The following FANCA variants were observed in gnomAD, a reference collection of about 807,000 sequenced individuals.
The protein encoded by FANCA is Fanconi anemia group A protein.
In FANCA, 236 loss-of-function variants were observed where a neutral mutation model predicts 194.3. That is an observed-to-expected ratio of 1.21 (90% CI 1.09 to 1.35). The LOEUF (loss-of-function observed/expected upper bound fraction) is 1.35, where lower values mean the gene tolerates loss of function less well. Ranked by LOEUF, FANCA falls within the 40% of genes most tolerant of loss-of-function variation. The probability of loss-of-function intolerance (pLI) is 0.00; values close to 1 mark genes in which losing one functional copy is unlikely to be tolerated. For missense variants in FANCA, 2,628 were observed against 1,813.9 expected, an observed-to-expected ratio of 1.45 and a Z score of -8.15; for synonymous variants, 1,014 against 715.8, an observed-to-expected ratio of 1.42 and a Z score of -6.65.
In FANCA at chr16:89,767,133, G is replaced by A. The variant is rs775561931; in HGVS notation, c.2601+8C>T. Reference sequence around the variant, plus strand: ...CAGAATGGAAAAATAGGAAAAGAGTGAACCTACCTTTTTAATAAGGCCTGG... The same window carrying A: ...CAGAATGGAAAAATAGGAAAAGAGTAAACCTACCTTTTTAATAAGGCCTGG... On this transcript the variant is annotated splice_region_variant and intron_variant, in intron 27 of 42. Transcript: ENST00000389301. 3 of 1,600,110 alleles carry A rather than the reference G, an allele frequency of 1.9e-6. No individual in the cohort carries two copies. Among genetic ancestry groups the A allele is most frequent in the African/African-American group, 1.3e-5 (1 of 74,720 alleles).
In FANCA at chr16:89,737,863, T is replaced by G; in HGVS notation, c.*738A>C. On this transcript the variant is annotated 3_prime_UTR_variant, in exon 43 of 43. Coordinates refer to ENST00000389301, the MANE Select transcript of FANCA (RefSeq NM_000135.4). ...CAAACCTTCAAGCAGCGGAAGCACC[T>G]TCTCGTCCACCAAATGCGACATTCG... The G allele has an allele frequency of 1.9e-6, 3 of 1,614,168 alleles. No individual in the cohort carries two copies. The highest frequency in any genetic ancestry group is 2.5e-6 in the Non-Finnish European group (3 of 1,180,028).
intron 33 of FANCA, among the ~76,000 whole-genome samples, chr16:89,747,885 C>A (rs1377420668): frequency 6.6e-6 from 1 of 152,024 alleles, no homozygotes; most frequent in Admixed American, 6.6e-5. Context: ...CCAACTGGGT[C>A]CCTACGCTGC....
intron 29 of FANCA, among the ~76,000 whole-genome samples, chr16:89,758,987 C>A (rs2038853922): frequency 6.6e-6 from 1 of 152,056 alleles, no homozygotes; most frequent in Non-Finnish European, 1.5e-5. Context: ...CTGCTGGCCA[C>A]ACAGCACATG....
rs111576529 is a variant in FANCA, at chr16:89,800,913, G to C, written c.793-1275C>G. ...CTAGGTGCGGTGGCGGGTGTCTATA[G>C]TCCCAGCTACTCGGGAGACTGAGGC... is the stretch of plus-strand genomic sequence containing the variant. On this transcript the variant is annotated intron_variant, in intron 8 of 42. Transcript: ENST00000389301. 7.3e-3 allele frequency among the ~76,000 whole-genome samples: 1,108 copies of C among 151,836 alleles called. 10 individuals carry two copies. Among genetic ancestry groups the C allele is most frequent in the African/African-American group, 0.026 (1,059 of 41,374 alleles).
chr16:89,806,879 G>C (rs564456337), intron 6 of FANCA, among the ~76,000 whole-genome samples: 1 of 152,262 alleles, frequency 6.6e-6, no homozygotes, highest in East Asian at 1.9e-4. Flanking sequence ...CCTCCCAGAC[G>C]GGGTGGTGGC....
rs1240982092 is a variant in FANCA at position 89,810,910 on chromosome 16, A to T, written c.426+19T>A. The T allele has an allele frequency of 6.2e-7, 1 of 1,614,160 alleles. No homozygotes were observed. Among genetic ancestry groups the T allele is most frequent in the Admixed American group, 1.7e-5 (1 of 60,014 alleles). On this transcript the variant is annotated intron_variant, in intron 4 of 42. Transcript: ENST00000389301. ...AAAGTAACAACGGGCAGGTTTCCTC[A>T]TCTTTGCTGGTGTCTTACTCTCTGC...
At chr16:89,815,451 G>A (rs2041072207) in intron 2 of FANCA, among the ~76,000 whole-genome samples, 1 of 145,480 alleles carries the variant, frequency 6.9e-6, no homozygotes, top group Admixed American at 7.1e-5. Flanking sequence ...CCGGGTCCAG[G>A]TTCAAGCAAT....
intron 30 of FANCA, among the ~76,000 whole-genome samples, chr16:89,752,840 G>A (rs1223112803): frequency 1.3e-5 from 2 of 152,182 alleles, no homozygotes; most frequent in Non-Finnish European, 2.9e-5. Flanking sequence ...GTAGCAAAAG[G>A]TGTCAAGGAA....
chr16:89,744,931 C>A, intron 36 of FANCA, 28 bp downstream of exon 36: 1 of 1,598,020 alleles, frequency 6.3e-7, no homozygotes. Flanking sequence ...TCTGGGCGGG[C>A]ACACCCCATC....
At position 89,739,538 on chromosome 16, in the gene FANCA, C is replaced by G. The variant is rs376523966; in HGVS notation, c.3950G>C (p.Arg1317Pro). 1.3e-6 allele frequency: 2 copies of G among 1,551,298 alleles called. No homozygotes were observed. Among genetic ancestry groups the G allele is most frequent in the Non-Finnish European group, 1.7e-6 (2 of 1,147,032 alleles). ...QLTESDLRLG[R>P]LLLRVAPDQH... ...ATCCGGGGCCACACGGAGGAGGAGC[C>G]GCCCCAGCCTGAGGTCTGCAACACC... The change falls in exon 40 of 43, where the codon CGG becomes CCG. Residue 1317 changes from arginine (R) to proline (P), a missense_variant. Coordinates refer to ENST00000389301, the MANE Select transcript of FANCA (RefSeq NM_000135.4).
intron 5 of FANCA, among the ~76,000 whole-genome samples, chr16:89,810,070 C>G (rs868403831): frequency 1.3e-5 from 2 of 151,668 alleles, no homozygotes; most frequent in African/African-American, 2.4e-5. Flanking sequence ...CACTTGTAAT[C>G]CCAGCACTTT....
chr16:89,798,282 C>A, intron 10 of FANCA: 1 of 949,656 alleles, frequency 1.1e-6, no homozygotes, highest in Non-Finnish European at 1.3e-6. Context: ...TGTGAGAACA[C>A]ATCTGCCGTC....
chr16:89,758,726 A>G, intron 29 of FANCA, 21 bp from the exon 30 acceptor site: 4 of 1,612,578 alleles, frequency 2.5e-6, no homozygotes, highest in South Asian at 2.2e-5. Context: ...AAACACTGCT[A>G]TCAATTCTGA....
Position 89,771,670 on chromosome 16 carries a change from A to T in FANCA, c.2151+8T>A. On this transcript the variant is annotated splice_region_variant and intron_variant, in intron 23 of 42. Coordinates refer to ENST00000389301, the MANE Select transcript of FANCA (RefSeq NM_000135.4). ...ACCCCCTGCTTTGTTCTGAGCCCCT[A>T]CACCTACCATGTGTTCCCGTGGCTC... The T allele has an allele frequency of 6.2e-7, 1 of 1,613,650 alleles. No individual in the cohort carries two copies. Among genetic ancestry groups the T allele is most frequent in the Non-Finnish European group, 8.5e-7 (1 of 1,179,888 alleles).
intron 36 of FANCA, among the ~76,000 whole-genome samples, chr16:89,744,373 C>G (rs952485703): frequency 6.6e-6 from 1 of 152,206 alleles, no homozygotes; most frequent in African/African-American, 2.4e-5. Flanking sequence ...GGTGGAGTGG[C>G]TGTCAGCTCT....
At chr16:89,745,930 C>T (rs1318840889) in intron 35 of FANCA, among the ~76,000 whole-genome samples, 1 of 152,236 alleles carries the variant, frequency 6.6e-6, no homozygotes, top group East Asian at 1.9e-4. Flanking sequence ...AACTGAGCTA[C>T]AACTCGGTGC....
intron 33 of FANCA, among the ~76,000 whole-genome samples, chr16:89,747,594 G>C (rs2038434592): frequency 6.6e-6 from 1 of 152,148 alleles, no homozygotes; most frequent in African/African-American, 2.4e-5. Context: ...AGCTACTCAG[G>C]AGGCTGAGGC....
intron 35 of FANCA, among the ~76,000 whole-genome samples, chr16:89,745,565 T>C (rs5000708): frequency 2.6e-5 from 2 of 76,616 alleles, no homozygotes; most frequent in Non-Finnish European, 2.2e-5. Flanking sequence ...ACCACACTCC[T>C]CTGAGCTGGG....
chr16:89,796,356 G>C (rs1022481736), intron 10 of FANCA, among the ~76,000 whole-genome samples: 1 of 152,168 alleles, frequency 6.6e-6, no homozygotes, highest in African/African-American at 2.4e-5. Context: ...GGAGCCCCGG[G>C]AGCCAACCCG....
Sources: gnomAD v4.1 joint callset for allele counts (sites outside exome capture counted in the v4.1 genomes callset) on GRCh38, gnomAD v4.1.1 for gene constraint, MANE v1.5 for transcripts, NCBI Gene and HGNC (gene_info 2026-07-23, HGNC 2026-07-21) for gene names.